The following CALN1 variants were observed in gnomAD, a reference collection of about 807,000 sequenced individuals.
The protein encoded by CALN1 is calneuron 1.
CALN1 carries 17 observed loss-of-function variants against 30.6 expected under a neutral mutation model. That is an observed-to-expected ratio of 0.56 (90% CI 0.38 to 0.83). CALN1 has a LOEUF of 0.83. CALN1 is among the 40% of genes least tolerant of loss of function. The pLI is 0.00. For missense variants in CALN1, 291 were observed against 354.9 expected, an observed-to-expected ratio of 0.82 and a Z score of 1.45; for synonymous variants, 156 against 131.4, an observed-to-expected ratio of 1.19 and a Z score of -1.28.
chr7:72,169,851 C>T (rs1171223294), intron 3 of CALN1, among the ~76,000 whole-genome samples: 3 of 151,956 alleles, frequency 2.0e-5, no homozygotes, highest in Admixed American at 6.6e-5. Flanking sequence ...GCACCACACC[C>T]GGCTAGTTTT....
chr7:72,044,840 C>T (rs929645949), intron 4 of CALN1, among the ~76,000 whole-genome samples: 9 of 151,962 alleles, frequency 5.9e-5, no homozygotes, highest in East Asian at 1.9e-4. Context: ...GGCCGATCTC[C>T]ACCTCCTGGC....
At chr7:72,314,065 T>G (rs1562875047) in intron 2 of CALN1, among the ~76,000 whole-genome samples, 1 of 152,088 alleles carries the variant, frequency 6.6e-6, no homozygotes, top group Non-Finnish European at 1.5e-5. Flanking sequence ...AGGCCAGCCT[T>G]GGCAGCAATG....
intron 3 of CALN1, among the ~76,000 whole-genome samples, chr7:72,149,236 C>A (rs532579925): frequency 1.3e-5 from 2 of 152,032 alleles, no homozygotes; most frequent in Non-Finnish European, 2.9e-5. Flanking sequence ...GAGACCGAGG[C>A]GGGTGGATCA....
intron 2 of CALN1, among the ~76,000 whole-genome samples, chr7:72,385,696 T>C (rs896926669): frequency 2.0e-5 from 3 of 152,060 alleles, no homozygotes; most frequent in South Asian, 2.1e-4. Flanking sequence ...ATGGGGGTGG[T>C]TTCCCCCCTG....
At chr7:71,806,810 T>G (rs997711730) in intron 6 of CALN1, among the ~76,000 whole-genome samples, 1 of 152,178 alleles carries the variant, frequency 6.6e-6, no homozygotes, top group Non-Finnish European at 1.5e-5. Flanking sequence ...TTCAGTCTCT[T>G]GCCCTCCACA....
intron 3 of CALN1, among the ~76,000 whole-genome samples, chr7:72,108,323 T>C (rs1200525399): frequency 6.6e-6 from 1 of 152,254 alleles, no homozygotes; most frequent in Non-Finnish European, 1.5e-5. Context: ...CATCACATCT[T>C]CAAAGACTTT....
At chr7:72,333,044 A>G (rs1801777201) in intron 2 of CALN1, among the ~76,000 whole-genome samples, 1 of 152,066 alleles carries the variant, frequency 6.6e-6, no homozygotes, top group African/African-American at 2.4e-5. Flanking sequence ...CCCTGTCTCA[A>G]CCTTTAAGCA....
intron 5 of CALN1, among the ~76,000 whole-genome samples, chr7:71,952,006 G>A (rs919121319): frequency 2.0e-4 from 31 of 151,894 alleles, no homozygotes; most frequent in African/African-American, 5.1e-4. Context: ...CAACAGATGC[G>A]GCTGCTGATG....
At chr7:72,160,234 T>TCTTGGCTTGGGA (rs1788002000) in intron 3 of CALN1, among the ~76,000 whole-genome samples, 1 of 152,032 alleles carries the variant, frequency 6.6e-6, no homozygotes, top group Admixed American at 6.6e-5. Flanking sequence ...GGAAGAGACA[T>TCTTGGCTTGGGA]CCGTCATAAT....
Position 72,141,533 on chromosome 7 carries a change from G to A in CALN1, c.245-35239C>T, listed in dbSNP as rs912465546. Reference sequence around the variant, plus strand: ...TGTCCCAAAACAACCTTTTGTGTCCGAGGGCTCAAAACTCCACCCTCAGAT... The same window carrying A: ...TGTCCCAAAACAACCTTTTGTGTCCAAGGGCTCAAAACTCCACCCTCAGAT... On this transcript the variant is annotated intron_variant, in intron 3 of 6. Transcript: ENST00000395275. Among the ~76,000 whole-genome samples, 6 of 151,980 alleles carry A rather than the reference G, an allele frequency of 3.9e-5. 1 individual carries two copies. Among genetic ancestry groups the A allele is most frequent in the South Asian group, 4.2e-4 (2 of 4,800 alleles).
the CALN1 span, among the ~76,000 whole-genome samples, chr7:72,486,879 A>G: frequency 6.6e-6 from 1 of 152,188 alleles, no homozygotes; most frequent in African/African-American, 2.4e-5. Context: ...ATTTATTTTC[A>G]TCAGGTACTT....
chr7:72,118,646 T>C (rs938512820), intron 3 of CALN1, among the ~76,000 whole-genome samples: 4 of 152,198 alleles, frequency 2.6e-5, no homozygotes, highest in African/African-American at 9.6e-5. Context: ...CGGCCAGAGA[T>C]ACTGAAAGCT....
At chr7:71,853,298 TTTTA>T (rs1790754324) in intron 5 of CALN1, among the ~76,000 whole-genome samples, 1 of 152,078 alleles carries the variant, frequency 6.6e-6, no homozygotes, top group Admixed American at 6.6e-5. Context: ...TTTTCTAAAA[TTTTA>T]TTTATATAAT....
intron 5 of CALN1, among the ~76,000 whole-genome samples, chr7:71,936,651 C>T (rs1224483303): frequency 6.6e-6 from 1 of 152,100 alleles, no homozygotes; most frequent in Non-Finnish European, 1.5e-5. Context: ...CTAAGGTATT[C>T]TTCCCCAACC....
At chr7:71,801,462 A>ATCTATCTG (rs138322421) in intron 6 of CALN1, among the ~76,000 whole-genome samples, 1 of 151,520 alleles carries the variant, frequency 6.6e-6, no homozygotes, top group Non-Finnish European at 1.5e-5. Flanking sequence ...CTATCTATCT[A>ATCTATCTG]TCTATCTATC....
intron 4 of CALN1, among the ~76,000 whole-genome samples, chr7:72,071,653 G>C (rs1050146734): frequency 2.6e-5 from 4 of 152,176 alleles, no homozygotes; most frequent in African/African-American, 9.7e-5. Context: ...GGAGAATGGG[G>C]AGAATTCAAT....
intron 4 of CALN1, among the ~76,000 whole-genome samples, chr7:72,090,346 G>A (rs1465405425): frequency 6.6e-6 from 1 of 152,094 alleles, no homozygotes; most frequent in African/African-American, 2.4e-5. Flanking sequence ...AAAAATCCCA[G>A]TGACTCGGAA....
intron 4 of CALN1, among the ~76,000 whole-genome samples, chr7:72,078,161 CAT>C (rs1377669637): frequency 3.9e-5 from 6 of 152,130 alleles, no homozygotes; most frequent in Non-Finnish European, 7.4e-5. Flanking sequence ...GTTAGAAAAG[CAT>C]ATGTTTGGTA....
chr7:71,877,824 A>G (rs1176097606), intron 5 of CALN1, among the ~76,000 whole-genome samples: 2 of 152,234 alleles, frequency 1.3e-5, no homozygotes, highest in Non-Finnish European at 2.9e-5. Context: ...GCCCATGAAT[A>G]GGCGAGAAAG....
Sources: gnomAD v4.1 joint callset for allele counts (sites outside exome capture counted in the v4.1 genomes callset) on GRCh38, gnomAD v4.1.1 for gene constraint, MANE v1.5 for transcripts, NCBI Gene and HGNC (gene_info 2026-07-23, HGNC 2026-07-21) for gene names.